The following RBPJ variants were observed in gnomAD, a reference collection of about 807,000 sequenced individuals.
The protein encoded by RBPJ is recombination signal binding protein for immunoglobulin kappa J region.
A neutral mutation model predicts 67.8 loss-of-function variants in RBPJ; 9 were observed. The ratio of observed to expected loss-of-function variants is 0.13; its 90% CI spans 0.08 to 0.23. The LOEUF is 0.23. Among genes scored for constraint, RBPJ ranks in the 10% least tolerant of loss-of-function variants. The pLI is 1.00. For missense variants in RBPJ, 305 were observed against 595.6 expected, an observed-to-expected ratio of 0.51 and a Z score of 5.08; for synonymous variants, 198 against 203.3, an observed-to-expected ratio of 0.97 and a Z score of 0.22.
At chr4:26,165,150 CTAAT>C (rs1266764551) in intron 1 of RBPJ, among the ~76,000 whole-genome samples, 1 of 152,034 alleles carries the variant, frequency 6.6e-6, no homozygotes, top group Non-Finnish European at 1.5e-5. Context: ...AATTTAATGA[CTAAT>C]TAGATTACTT....
chr4:26,201,058 A>G (rs1271319039), intron 1 of RBPJ, among the ~76,000 whole-genome samples: 1 of 152,194 alleles, frequency 6.6e-6, no homozygotes, highest in Non-Finnish European at 1.5e-5. Flanking sequence ...CTTACTCTTA[A>G]GATAATCTTT....
At chr4:26,412,099 A>C (rs1734081039) in intron 3 of RBPJ, among the ~76,000 whole-genome samples, 1 of 143,442 alleles carries the variant, frequency 7.0e-6, no homozygotes, top group African/African-American at 2.6e-5. Context: ...TGGGTGACAG[A>C]GCAAGACTCC....
At chr4:26,366,689 G>C (rs755903999) in intron 1 of RBPJ, among the ~76,000 whole-genome samples, 3 of 151,912 alleles carry the variant, frequency 2.0e-5, no homozygotes, top group Admixed American at 6.6e-5. Context: ...CAAAGTGCTG[G>C]GATTACAGGC....
intron 1 of RBPJ, among the ~76,000 whole-genome samples, chr4:26,340,166 A>G (rs2109393440): frequency 6.6e-6 from 1 of 152,382 alleles, no homozygotes; most frequent in Middle Eastern, 3.4e-3. Context: ...TGAGAAAAAT[A>G]AAACAGGGAA....
At chr4:26,294,953 G>C (rs1306891698) in intron 1 of RBPJ, among the ~76,000 whole-genome samples, 6 of 152,138 alleles carry the variant, frequency 3.9e-5, no homozygotes, top group Admixed American at 3.9e-4. Flanking sequence ...GTTGGATAGG[G>C]CTGATGACGG....
intron 1 of RBPJ, among the ~76,000 whole-genome samples, chr4:26,201,134 A>G (rs767041186): frequency 1.3e-5 from 2 of 152,200 alleles, no homozygotes; most frequent in Non-Finnish European, 2.9e-5. Context: ...GTCACCAATA[A>G]TGCACATACT....
chr4:26,347,501 C>G (rs1393420035), intron 1 of RBPJ, among the ~76,000 whole-genome samples: 1 of 152,170 alleles, frequency 6.6e-6, no homozygotes, highest in Non-Finnish European at 1.5e-5. Flanking sequence ...TCAGTGGTGT[C>G]AAATGCTGCA....
At chr4:26,192,853 G>A (rs916947643) in intron 1 of RBPJ, among the ~76,000 whole-genome samples, 1 of 152,160 alleles carries the variant, frequency 6.6e-6, no homozygotes, top group African/African-American at 2.4e-5. Context: ...ACCAGAACCT[G>A]CAAATACGTC....
At chr4:26,160,739 A>G (rs897985806), upstream of RBPJ, among the ~76,000 whole-genome samples, 2 of 151,966 alleles carry the variant, frequency 1.3e-5, no homozygotes, top group African/African-American at 4.8e-5. Context: ...ATCACATCCA[A>G]CTTCCAAGAA....
rs574707566 is a variant in RBPJ, at chr4:26,357,081, G to T, written c.21-29272G>T. Reference sequence around the variant, plus strand: ...GGTCTTGTGAAGGTGAGCCCAAAAGGGTAGGTTAGATCAGACAAAAAAGTA... The same window carrying T: ...GGTCTTGTGAAGGTGAGCCCAAAAGTGTAGGTTAGATCAGACAAAAAAGTA... On this transcript the variant is annotated intron_variant, in intron 1 of 10. Coordinates refer to ENST00000355476, the MANE Select transcript of RBPJ (RefSeq NM_015874.6). Among the ~76,000 whole-genome samples, 16 of 152,252 alleles carry T rather than the reference G, an allele frequency of 1.1e-4. No homozygotes were observed. In the South Asian group the frequency reaches 2.7e-3, roughly 26 times the overall value.
intron 1 of RBPJ, among the ~76,000 whole-genome samples, chr4:26,196,068 G>C (rs893922455): frequency 1.4e-4 from 21 of 152,192 alleles, no homozygotes; most frequent in African/African-American, 5.1e-4. Flanking sequence ...GAAACATCTA[G>C]CAGCCTCTGG....
rs181085664 is a variant in RBPJ at position 26,188,352 on chromosome 4, C to G, written c.-167+24738C>G. 1.5e-3 allele frequency among the ~76,000 whole-genome samples: 235 copies of G among 152,280 alleles called. 1 individual carries two copies. Among genetic ancestry groups the G allele is most frequent in the Non-Finnish European group, 2.1e-3 (143 of 68,018 alleles). On this transcript the variant is annotated intron_variant, in intron 1 of 4. Coordinates refer to the RBPJ transcript ENST00000512351. ...TAAGGATCTATCGCTTTGGTTAGGT[C>G]TCCCTACAATTTTGTCAAAAGCAAA...
chr4:26,281,602 TTC>T (rs1011686024), intron 1 of RBPJ, among the ~76,000 whole-genome samples: 3 of 152,232 alleles, frequency 2.0e-5, no homozygotes, highest in Admixed American at 6.5e-5. Flanking sequence ...ACCTTTAAAA[TTC>T]TCTCTGACTT....
the RBPJ span, among the ~76,000 whole-genome samples, chr4:26,154,993 T>G: frequency 6.6e-6 from 1 of 152,140 alleles, no homozygotes; most frequent in Non-Finnish European, 1.5e-5. Context: ...CCCAACCATA[T>G]CAGGGCTGGA....
chr4:26,231,264 G>A (rs531283905), intron 1 of RBPJ, among the ~76,000 whole-genome samples: 1 of 152,318 alleles, frequency 6.6e-6, no homozygotes, highest in South Asian at 2.1e-4. Context: ...TTAGCTGGGC[G>A]ATTAGCTTGA....
chr4:26,284,322 C>G (rs1165086356), intron 1 of RBPJ, among the ~76,000 whole-genome samples: 1 of 152,156 alleles, frequency 6.6e-6, no homozygotes, highest in Non-Finnish European at 1.5e-5. Context: ...CTAACTCTCC[C>G]ATAATTGAGA....
At chr4:26,346,393 G>A (rs1468085621) in intron 1 of RBPJ, among the ~76,000 whole-genome samples, 1 of 152,166 alleles carries the variant, frequency 6.6e-6, no homozygotes, top group Non-Finnish European at 1.5e-5. Flanking sequence ...CAGCGGGGAA[G>A]GCTGGCTGCC....
At chr4:26,315,590 G>A (rs577162086), upstream of RBPJ, among the ~76,000 whole-genome samples, 7 of 152,186 alleles carry the variant, frequency 4.6e-5, no homozygotes, top group East Asian at 1.2e-3. Context: ...AGCTGTGCAC[G>A]TATTCTCTTG....
At chr4:26,291,442 CAGAAAATCA>C (rs1329466148) in intron 1 of RBPJ, among the ~76,000 whole-genome samples, 2 of 150,918 alleles carry the variant, frequency 1.3e-5, no homozygotes, top group African/African-American at 4.9e-5. Flanking sequence ...AGAGCAAGGG[CAGAAAATCA>C]AGACATCAAA....
Sources: allele counts gnomAD v4.1 joint callset (sites outside exome capture counted in the v4.1 genomes callset), GRCh38; gene constraint gnomAD v4.1.1; transcripts MANE v1.5; gene names NCBI Gene and HGNC (gene_info 2026-07-23, HGNC 2026-07-21).